Variants in SPOCK3 observed in about 807,000 individuals in gnomAD.
The protein encoded by SPOCK3 is testican-3.
In SPOCK3, 30 loss-of-function variants were observed where a neutral mutation model predicts 56.6. That is an observed-to-expected ratio of 0.53 (90% confidence interval 0.40 to 0.72). The LOEUF (loss-of-function observed/expected upper bound fraction) is 0.72, where lower values mean the gene tolerates loss of function less well. SPOCK3 is among the 30% of genes least tolerant of loss of function. The probability of loss-of-function intolerance (pLI) is 0.00; values close to 1 mark genes in which losing one functional copy is unlikely to be tolerated. For synonymous variants in SPOCK3, 196 were observed against 183.3 expected, an observed-to-expected ratio of 1.07 and a Z score of -0.56; for missense variants, 527 against 530.0, an observed-to-expected ratio of 0.99 and a Z score of 0.06.
chr4:166,990,865 A>T lies in SPOCK3; in HGVS notation c.350+9484T>A, dbSNP rs914683709. ...AAAATTTTAAGAAATATAATTGATG[A>T]ACTGGAGAGAGAAATATTTAGAATA... is the stretch of plus-strand genomic sequence containing the variant. On this transcript the variant is annotated intron_variant, in intron 4 of 10. Coordinates refer to ENST00000357545, the MANE Select transcript of SPOCK3 (RefSeq NM_001040159.2). Among the ~76,000 whole-genome samples the T allele has an allele frequency of 4.6e-5, 7 of 152,252 alleles. No homozygotes were observed. In the East Asian group the frequency reaches 5.8e-4, roughly 13 times the overall value.
intron 3 of SPOCK3, among the ~76,000 whole-genome samples, chr4:167,005,366 C>A (rs1031645656): frequency 6.6e-6 from 1 of 151,904 alleles, no homozygotes; most frequent in Non-Finnish European, 1.5e-5. Context: ...CCCACCACCA[C>A]GCCTGGCTAA....
intron 3 of SPOCK3, among the ~76,000 whole-genome samples, chr4:167,021,963 AC>A (rs1751229396): frequency 6.6e-6 from 1 of 152,076 alleles, no homozygotes; most frequent in South Asian, 2.1e-4. Context: ...CCCTAATACT[AC>A]CTCTATAACT....
At chr4:166,874,637 C>T (rs898842675) in intron 6 of SPOCK3, among the ~76,000 whole-genome samples, 1 of 152,092 alleles carries the variant, frequency 6.6e-6, no homozygotes, top group South Asian at 2.1e-4. Flanking sequence ...ACATGTGTGG[C>T]CCCTACAACT....
intron 2 of SPOCK3, among the ~76,000 whole-genome samples, chr4:167,071,890 T>C (rs1756723832): frequency 6.6e-6 from 1 of 152,050 alleles, no homozygotes; most frequent in East Asian, 1.9e-4. Context: ...ATCTGTTGTT[T>C]CCTGACTTTT....
At chr4:166,953,442 C>T (rs371091803) in intron 4 of SPOCK3, among the ~76,000 whole-genome samples, 3 of 151,052 alleles carry the variant, frequency 2.0e-5, no homozygotes, top group Non-Finnish European at 3.0e-5. Flanking sequence ...ACAACAGGTG[C>T]TGGAGAGGAT....
At chr4:167,217,354 TG>T (rs1290766182) in intron 2 of SPOCK3, among the ~76,000 whole-genome samples, 2 of 150,566 alleles carry the variant, frequency 1.3e-5, no homozygotes, top group Non-Finnish European at 3.0e-5. Context: ...CATGTACAGA[TG>T]TTTTTTTTTG....
At chr4:167,021,779 T>A (rs1284735977) in intron 3 of SPOCK3, among the ~76,000 whole-genome samples, 4 of 151,912 alleles carry the variant, frequency 2.6e-5, no homozygotes, top group East Asian at 1.9e-4. Context: ...CAAGATAATT[T>A]CGGATGGCAC....
At chr4:167,121,826 C>T in intron 2 of SPOCK3, among the ~76,000 whole-genome samples, 1 of 151,968 alleles carries the variant, frequency 6.6e-6, no homozygotes, top group Non-Finnish European at 1.5e-5. Flanking sequence ...AGAAGCCATC[C>T]CCTATGAAAT....
At chr4:166,995,102 T>C (rs558080110) in intron 4 of SPOCK3, among the ~76,000 whole-genome samples, 3 of 152,088 alleles carry the variant, frequency 2.0e-5, no homozygotes, top group South Asian at 2.1e-4. Flanking sequence ...CCAGGTTCAG[T>C]GTCCAAGTCT....
intron 6 of SPOCK3, among the ~76,000 whole-genome samples, chr4:166,850,908 C>T (rs1229858593): frequency 6.6e-6 from 1 of 152,212 alleles, no homozygotes; most frequent in Non-Finnish European, 1.5e-5. Context: ...CCCACCATTG[C>T]CCAGGCTTGC....
At position 166,862,764 on chromosome 4, in the gene SPOCK3, G is replaced by A. The variant is rs948425515; in HGVS notation, c.589+26366C>T. Among the ~76,000 whole-genome samples, 7 of 151,876 alleles carry A rather than the reference G, an allele frequency of 4.6e-5. No homozygotes were observed. In the South Asian group the frequency reaches 1.0e-3, roughly 22 times the overall value. On this transcript the variant is annotated intron_variant, in intron 6 of 10. Coordinates refer to ENST00000357545, the MANE Select transcript of SPOCK3 (RefSeq NM_001040159.2). ...CCTTATCATTATTTTTCTTTCAAGAGCTTTCAACAAGCATTTACTATTTAT... is the reference window on the plus strand; with the variant it reads ...CCTTATCATTATTTTTCTTTCAAGAACTTTCAACAAGCATTTACTATTTAT...
At chr4:166,842,222 A>G (rs1345729486) in intron 6 of SPOCK3, among the ~76,000 whole-genome samples, 1 of 152,212 alleles carries the variant, frequency 6.6e-6, no homozygotes, top group African/African-American at 2.4e-5. Flanking sequence ...TTCCACGGTG[A>G]GGAAGAGGAC....
At chr4:167,113,734 A>G (rs1231110309) in intron 2 of SPOCK3, among the ~76,000 whole-genome samples, 1 of 152,102 alleles carries the variant, frequency 6.6e-6, no homozygotes, top group Non-Finnish European at 1.5e-5. Context: ...TAATGGTACC[A>G]ACACCAAGAG....
chr4:166,745,646 C>A (rs978223461), intron 8 of SPOCK3, among the ~76,000 whole-genome samples: 2 of 152,086 alleles, frequency 1.3e-5, no homozygotes, highest in African/African-American at 2.4e-5. Context: ...CAATATTAAC[C>A]TTAAATGTAA....
intron 4 of SPOCK3, among the ~76,000 whole-genome samples, chr4:166,948,459 T>C (rs1346915033): frequency 1.3e-5 from 2 of 152,148 alleles, no homozygotes; most frequent in Non-Finnish European, 2.9e-5. Context: ...ATAATGGGAG[T>C]ACTAATTTGT....
chr4:166,784,167 T>C (rs1247441621), intron 7 of SPOCK3, among the ~76,000 whole-genome samples: 1 of 152,094 alleles, frequency 6.6e-6, no homozygotes, highest in Non-Finnish European at 1.5e-5. Context: ...GCAATTGCCA[T>C]TGTTTGGAAT....
At chr4:166,777,636 T>G (rs1394766911) in intron 7 of SPOCK3, among the ~76,000 whole-genome samples, 1 of 151,966 alleles carries the variant, frequency 6.6e-6, no homozygotes, top group South Asian at 2.1e-4. Flanking sequence ...ACTGAGAAGG[T>G]TGAGGCAGGA....
chr4:167,222,847 G>A (rs1296188882), intron 2 of SPOCK3, among the ~76,000 whole-genome samples: 2 of 122,526 alleles, frequency 1.6e-5, no homozygotes, highest in African/African-American at 6.5e-5. Flanking sequence ...ATTGATATGT[G>A]AATATATAAA....
chr4:166,953,877 T>C (rs900916746), intron 4 of SPOCK3, among the ~76,000 whole-genome samples: 19 of 152,062 alleles, frequency 1.2e-4, no homozygotes, highest in Non-Finnish European at 2.5e-4. Context: ...CAGGTGGGAA[T>C]TGAACAATGA....
Sources: allele counts gnomAD v4.1 joint callset (sites outside exome capture counted in the v4.1 genomes callset), GRCh38; gene constraint gnomAD v4.1.1; transcripts MANE v1.5; gene names NCBI Gene and HGNC (gene_info 2026-07-23, HGNC 2026-07-21).